Variants in STXBP3 observed in about 807,000 individuals in gnomAD.
STXBP3 encodes syntaxin-binding protein 3.
In STXBP3, 41 loss-of-function variants were observed where a neutral mutation model predicts 85.7. The observed-to-expected ratio is 0.48, with a 90% confidence interval of 0.37 to 0.62. The LOEUF is 0.62. Among genes scored for constraint, STXBP3 ranks in the 20% least tolerant of loss-of-function variants. The pLI is 0.00. For synonymous variants in STXBP3, 229 were observed against 231.7 expected, an observed-to-expected ratio of 0.99 and a Z score of 0.10; for missense variants, 563 against 703.1, an observed-to-expected ratio of 0.80 and a Z score of 2.25.
At chr1:108,751,914 G>A (rs541350818) in intron 1 of STXBP3, among the ~76,000 whole-genome samples, 18 of 152,208 alleles carry the variant, frequency 1.2e-4, no homozygotes, top group South Asian at 4.1e-4. Flanking sequence ...GGATGTTCCC[G>A]TGGGTTTTTT....
chr1:108,780,239 A>G (rs1260179373), intron 9 of STXBP3: 1 of 151,854 alleles, frequency 6.6e-6, no homozygotes, highest in African/African-American at 2.4e-5. Context: ...TGTATTTTCT[A>G]TTGTATTTTT....
intron 15 of STXBP3, 93 bp downstream of exon 15, chr1:108,796,819 C>G: frequency 1.3e-6 from 1 of 779,088 alleles, no homozygotes; most frequent in Non-Finnish European, 1.9e-6. Context: ...GGACAGTCTT[C>G]TTAAGTTCAC....
At chr1:108,753,307 T>TA in intron 3 of STXBP3, 163 bp downstream of exon 3, 1 of 425,600 alleles carries the variant, frequency 2.3e-6, no homozygotes, top group Non-Finnish European at 3.9e-6. Context: ...TTCTGTCAGT[T>TA]TTTTTCCCTC....
At chr1:108,755,389 G>C (rs150071666) in intron 3 of STXBP3, among the ~76,000 whole-genome samples, 2 of 152,216 alleles carry the variant, frequency 1.3e-5, no homozygotes, top group African/African-American at 4.8e-5. Flanking sequence ...CAAGGCTGCA[G>C]TAAACCCTGA....
Position 108,772,829 on chromosome 1 carries a change from T to C in STXBP3, c.593+10T>C, listed in dbSNP as rs2101117818. The C allele has an allele frequency of 6.3e-7, 1 of 1,576,150 alleles. No individual in the cohort carries two copies. Among genetic ancestry groups the C allele is most frequent in the East Asian group, 2.4e-5 (1 of 42,238 alleles). On this transcript the variant is annotated intron_variant, in intron 7 of 18. Transcript: ENST00000370008. ...GAGTAAGATATAAAAGGTAAGACAC[T>C]GAGCATCTGCACATGTTATGCTTCC...
chr1:108,772,461 A>G (rs970498018), intron 6 of STXBP3, among the ~76,000 whole-genome samples: 8 of 144,330 alleles, frequency 5.5e-5, no homozygotes, highest in African/African-American at 2.0e-4. Flanking sequence ...ATATAAATAC[A>G]TATATCTATC....
At chr1:108,787,068 G>T (rs982911341) in intron 11 of STXBP3, among the ~76,000 whole-genome samples, 2 of 151,954 alleles carry the variant, frequency 1.3e-5, no homozygotes, top group African/African-American at 4.8e-5. Flanking sequence ...TATAAAATGT[G>T]ATTGATTTTT....
intron 6 of STXBP3, among the ~76,000 whole-genome samples, chr1:108,771,850 TATG>T (rs1206419323): frequency 4.8e-5 from 1 of 20,622 alleles, no homozygotes; most frequent in East Asian, 4.2e-4. Flanking sequence ...TATAAATACA[TATG>T]ATATCTATCT....
In STXBP3 at chr1:108,808,865, T is replaced by A; in HGVS notation, c.1767T>A (p.Ile589=). 6.2e-7 allele frequency: 1 copy of A among 1,605,316 alleles called. No homozygotes were observed. The highest frequency in any genetic ancestry group is 8.5e-7 in the Non-Finnish European group (1 of 1,174,718). Residue 589 remains isoleucine, a synonymous_variant, in exon 19 of 19, where the codon ATT becomes ATA. Transcript: ENST00000370008. The part of the protein sequence containing the change: ...LNKPKDKVSL[I]KDE ...AACCCAAGGATAAAGTCTCCTTAAT[T>A]AAAGATGAATAGCATTTCTTTTTGG...
At position 108,793,792 on chromosome 1, in the gene STXBP3, A is replaced by G. The variant is rs548657913; in HGVS notation, c.1029+145A>G. 124 of 501,642 alleles carry G rather than the reference A, an allele frequency of 2.5e-4. 1 individual carries two copies. In the South Asian group the frequency reaches 3.4e-3, roughly 14 times the overall value. The allele number at this position is 501,642 out of a possible 1,614,324, so 31.1% of individuals were successfully genotyped here. On this transcript the variant is annotated intron_variant, in intron 12 of 18. Coordinates refer to ENST00000370008, the MANE Select transcript of STXBP3 (RefSeq NM_007269.4). ...AAACCTTACTATAGGTCTGAGAGATATCCCATATATCTAAGCTTCTTCATA... is the reference window on the plus strand; with the variant it reads ...AAACCTTACTATAGGTCTGAGAGATGTCCCATATATCTAAGCTTCTTCATA...
chr1:108,751,185 G>A (rs943759060), intron 1 of STXBP3, among the ~76,000 whole-genome samples: 5 of 152,150 alleles, frequency 3.3e-5, no homozygotes, highest in Non-Finnish European at 7.3e-5. Flanking sequence ...AACATGGCTT[G>A]GTCTGGTGAC....
chr1:108,798,276 C>T, intron 16 of STXBP3, 39 bp downstream of exon 16: 2 of 1,496,696 alleles, frequency 1.3e-6, no homozygotes, highest in Non-Finnish European at 1.8e-6. Context: ...CCTGAGTGCC[C>T]TCTTTAGAGT....
intron 6 of STXBP3, among the ~76,000 whole-genome samples, chr1:108,768,455 T>G (rs1286302184): frequency 6.6e-6 from 1 of 152,148 alleles, no homozygotes; most frequent in African/African-American, 2.4e-5. Flanking sequence ...AATGGATGTA[T>G]TTTTATAAGG....
chr1:108,788,616 A>T (rs1355215993), intron 11 of STXBP3, among the ~76,000 whole-genome samples: 1 of 152,082 alleles, frequency 6.6e-6, no homozygotes, highest in Non-Finnish European at 1.5e-5. Flanking sequence ...TTTCTTCATT[A>T]GTTTTGGGAT....
chr1:108,787,550 T>A (rs1304085463), intron 11 of STXBP3, among the ~76,000 whole-genome samples: 1 of 149,602 alleles, frequency 6.7e-6, no homozygotes, highest in Non-Finnish European at 1.5e-5. Context: ...CGTTTAAAAT[T>A]TTTTTTTTTT....
intron 2 of STXBP3, 87 bp from the exon 3 acceptor site, chr1:108,752,976 G>T (rs1012631747): frequency 2.1e-6 from 2 of 960,466 alleles, no homozygotes; most frequent in African/African-American, 1.7e-5. Context: ...GTTATAAAAG[G>T]CTTATAAAGT....
At chr1:108,772,916 A>G in intron 7 of STXBP3, 97 bp downstream of exon 7, 1 of 1,216,768 alleles carries the variant, frequency 8.2e-7, no homozygotes, top group Non-Finnish European at 1.1e-6. Context: ...GGTTTGCAAA[A>G]TTTATTTTCT....
At chr1:108,779,179 A>G (rs935304309) in intron 8 of STXBP3, 107 bp from the exon 9 acceptor site, 1 of 1,206,146 alleles carries the variant, frequency 8.3e-7, no homozygotes, top group East Asian at 2.5e-5. Context: ...TTGGTGGGGA[A>G]AAGGGACAGA....
At chr1:108,755,021 T>C (rs180946409) in intron 3 of STXBP3, among the ~76,000 whole-genome samples, 7 of 152,262 alleles carry the variant, frequency 4.6e-5, no homozygotes, top group African/African-American at 1.4e-4. Context: ...AGTCAAACTT[T>C]CTGTTGTCAT....
Sources: allele counts gnomAD v4.1 joint callset (sites outside exome capture counted in the v4.1 genomes callset), GRCh38; gene constraint gnomAD v4.1.1; transcripts MANE v1.5; gene names NCBI Gene and HGNC (gene_info 2026-07-23, HGNC 2026-07-21).